The following GPLD1 variants were observed in gnomAD, a reference collection of about 807,000 sequenced individuals.
GPLD1 encodes glycosylphosphatidylinositol specific phospholipase D1.
GPLD1 carries 84 observed loss-of-function variants against 112.6 expected under a neutral mutation model. The ratio of observed to expected loss-of-function variants is 0.75; its 90% CI spans 0.63 to 0.89. GPLD1 has a LOEUF of 0.89. Ranked by LOEUF, GPLD1 falls within the 40% of genes least tolerant of loss-of-function variation. GPLD1 has a pLI of 0.00. For missense variants in GPLD1, 1,044 were observed against 1,051.5 expected (o/e 0.99, Z 0.10); for synonymous variants, 386 against 403.8 (o/e 0.96, Z 0.53).
chr6:24,495,151 C>T (rs1470894211), exon 1 of GPLD1: 3 of 1,429,702 alleles, frequency 2.1e-6, no homozygotes, highest in East Asian at 3.0e-5. Context: ...GGGCGCCTGG[C>T]GGGCCTCTCT....
At position 24,473,766 on chromosome 6, in the gene GPLD1, ATGAACTGC is replaced by A. The variant is rs1349250326; in HGVS notation, c.442-107_442-100del. 3 of 710,110 alleles carry A rather than the reference ATGAACTGC, an allele frequency of 4.2e-6. No individual in the cohort carries two copies. The African/African-American group carries it at 5.3e-5, about 13-fold the overall frequency. 44.0% of individuals were successfully genotyped at this position (710,110 alleles called of 1,614,324 possible). On this transcript the variant is annotated intron_variant, in intron 5 of 24. Transcript: ENST00000230036. ...GTGGTGGGAGATGACAGCTAACTCA[ATGAACTGC>A]TGAGGACGCATAATAGACTCAATTT...
downstream of GPLD1, chr6:24,424,228 T>A (rs1248058217): frequency 4.0e-5 from 6 of 151,536 alleles, no homozygotes; most frequent in African/African-American, 7.3e-5. Context: ...CCCTTTTTTT[T>A]ATAAAAGGTG....
rs910877785 is a variant in GPLD1, at chr6:24,426,844, C to T, written c.*2188G>A. On this transcript the variant is annotated 3_prime_UTR_variant, in exon 25 of 25. Coordinates refer to ENST00000230036, the MANE Select transcript of GPLD1 (RefSeq NM_001503.4). ...TGTCCCTAAACAAAACCAAATGGCG[C>T]TTCCTTGTGCTTTTGCTGTGCCATA... Among the ~76,000 whole-genome samples, 4 of 152,202 alleles carry T rather than the reference C, an allele frequency of 2.6e-5. No homozygotes were observed. Among genetic ancestry groups the T allele is most frequent in the South Asian group, 2.1e-4 (1 of 4,834 alleles).
Position 24,427,392 on chromosome 6 carries a change from C to G in GPLD1, c.*1640G>C, listed in dbSNP as rs899347985. On this transcript the variant is annotated 3_prime_UTR_variant, in exon 25 of 25. Transcript: ENST00000230036. ...AGTTGTAACCTAATGCGACAAAGGT[C>G]CCTCATGAGATGGCTTAAAACTAGC... Among the ~76,000 whole-genome samples, 1 of 152,196 alleles carries G rather than the reference C, an allele frequency of 6.6e-6. No individual in the cohort carries two copies. Among genetic ancestry groups the G allele is most frequent in the African/African-American group, 2.4e-5 (1 of 41,454 alleles).
At chr6:24,488,507 T>C (rs1161035828) in intron 1 of GPLD1, among the ~76,000 whole-genome samples, 1 of 152,270 alleles carries the variant, frequency 6.6e-6, no homozygotes, top group Middle Eastern at 3.4e-3. Context: ...TATTACAAAT[T>C]GACTCACGTT....
Position 24,448,186 on chromosome 6 carries a change from C to G in GPLD1, c.1469G>C (p.Gly490Ala). The change falls in exon 16 of 25, where the codon GGT (glycine) becomes GCT (alanine). Residue 490 changes from glycine (G) to alanine (A), a missense_variant. Physicochemically the swap from Gly to Ala is moderately conservative, Grantham distance 60 (BLOSUM62 0). Coordinates refer to ENST00000230036, the MANE Select transcript of GPLD1 (RefSeq NM_001503.4). ...AGAAGACATTCCTCCTTGTTTGGAA[C>G]CAAAGTAGACATACACGGCACCCTA... Reference protein sequence around the residue: ...TYKGAVYVYFGSKQGGMSSSP... With the variant: ...TYKGAVYVYFASKQGGMSSSP... 1 of 1,608,248 alleles carries G rather than the reference C, an allele frequency of 6.2e-7. No individual in the cohort carries two copies. The highest frequency in any genetic ancestry group is 8.5e-7 in the Non-Finnish European group (1 of 1,178,126).
intron 20 of GPLD1, among the ~76,000 whole-genome samples, chr6:24,445,139 T>C (rs1290710023): frequency 6.6e-6 from 1 of 152,124 alleles, no homozygotes; most frequent in Non-Finnish European, 1.5e-5. Flanking sequence ...GCGATTCTCC[T>C]GCCTCAGCCT....
intron 24 of GPLD1, among the ~76,000 whole-genome samples, chr6:24,430,686 G>A (rs1762374980): frequency 6.6e-6 from 1 of 152,114 alleles, no homozygotes; most frequent in African/African-American, 2.4e-5. Flanking sequence ...CAGAAAGGAA[G>A]GAATCTTCAG....
chr6:24,433,484 CTTTTTT>C (rs58008688), intron 22 of GPLD1, 95 bp from the exon 23 acceptor site: 12,608 of 431,224 alleles, frequency 0.029, 13 homozygotes, highest in Middle Eastern at 0.042. Flanking sequence ...CTCATTTCTA[CTTTTTT>C]TTTTTTTTTT....
At chr6:24,486,560 T>C (rs1310098003) in intron 1 of GPLD1, among the ~76,000 whole-genome samples, 3 of 152,198 alleles carry the variant, frequency 2.0e-5, no homozygotes, top group African/African-American at 7.2e-5. Context: ...CTCACACCTG[T>C]AATCCAAGAA....
intron 22 of GPLD1, among the ~76,000 whole-genome samples, chr6:24,434,514 GTTCAAATCTCT>G (rs1762507500): frequency 6.6e-6 from 1 of 151,572 alleles, no homozygotes; most frequent in Non-Finnish European, 1.5e-5. Flanking sequence ...TCAGATCTTG[GTTCAAATCTCT>G]GTTGTGCCCT....
At chr6:24,442,405 GCCA>G (rs2036285538) in intron 20 of GPLD1, among the ~76,000 whole-genome samples, 1 of 142,342 alleles carries the variant, frequency 7.0e-6, no homozygotes, top group Non-Finnish European at 1.5e-5. Context: ...AGAGGTGCAT[GCCA>G]CCACATCTGG....
intron 10 of GPLD1, among the ~76,000 whole-genome samples, chr6:24,465,072 C>A (rs1455536915): frequency 6.6e-6 from 1 of 151,824 alleles, no homozygotes; most frequent in Non-Finnish European, 1.5e-5. Flanking sequence ...TGGTGAGTAC[C>A]TGTAGTCATA....
Position 24,436,856 on chromosome 6 carries a change from G to A in GPLD1, c.2198-120C>T, listed in dbSNP as rs76793596. On this transcript the variant is annotated intron_variant, in intron 21 of 24. Coordinates refer to ENST00000230036, the MANE Select transcript of GPLD1 (RefSeq NM_001503.4). ...AATAATATTAGTATCTCCTTTAGTC[G>A]GCTGTGATTTCATCCTGGCAAAGGC... 1.4e-4 allele frequency: 145 copies of A among 1,004,948 alleles called. No homozygotes were observed. In the African/African-American group the frequency reaches 2.1e-3, roughly 14 times the overall value. The allele number at this position is 1,004,948 out of a possible 1,614,324, so 62.3% of individuals were successfully genotyped here.
At chr6:24,462,583 T>C in intron 11 of GPLD1, 147 bp downstream of exon 11, 1 of 635,108 alleles carries the variant, frequency 1.6e-6, no homozygotes, top group East Asian at 2.6e-5. Flanking sequence ...TCAAGCAGCT[T>C]GTTTAAAAAT....
chr6:24,449,952 G>T, intron 14 of GPLD1, 53 bp from the exon 15 acceptor site: 1 of 1,292,984 alleles, frequency 7.7e-7, no homozygotes. Flanking sequence ...CTCGGAAAGA[G>T]CACTCCTGAC....
chr6:24,488,270 G>C (rs1023161548), intron 1 of GPLD1, among the ~76,000 whole-genome samples: 3 of 152,094 alleles, frequency 2.0e-5, no homozygotes, highest in Non-Finnish European at 2.9e-5. Flanking sequence ...AAATTAGCCA[G>C]GCGTGGTGGC....
Position 24,428,955 on chromosome 6 carries a change from T to G in GPLD1, c.*77A>C. 1 of 978,362 alleles carries G rather than the reference T, an allele frequency of 1.0e-6. No individual in the cohort carries two copies. The highest frequency in any genetic ancestry group is 1.6e-6 in the Non-Finnish European group (1 of 636,300). 60.6% of individuals were successfully genotyped at this position (978,362 alleles called of 1,614,324 possible). On this transcript the variant is annotated 3_prime_UTR_variant, in exon 25 of 25. Coordinates refer to ENST00000230036, the MANE Select transcript of GPLD1 (RefSeq NM_001503.4). Reference sequence around the variant, plus strand: ...CCACCGCTCCACTGGATGTGCCACTTTGTCCATCAAAATGCTCACCATGGA... The same window carrying G: ...CCACCGCTCCACTGGATGTGCCACTGTGTCCATCAAAATGCTCACCATGGA...
In GPLD1 at chr6:24,473,666, A is replaced by G. The variant is rs1417176679; in HGVS notation, c.443T>C (p.Ile148Thr). The G allele has an allele frequency of 6.2e-7, 1 of 1,604,596 alleles. No individual in the cohort carries two copies. The highest frequency in any genetic ancestry group is 8.5e-7 in the Non-Finnish European group (1 of 1,171,808). The change falls in exon 6 of 25, where the codon ATT becomes ACT. Residue 148 changes from isoleucine (I) to threonine (T), a missense_variant and splice_region_variant. By Grantham distance (89) the Ile-to-Thr change is moderately conservative. Transcript: ENST00000230036. ...EQGFLRTMGA[I>T]DFHGSYSEAH... ...CTCTGAATAGGAGCCGTGAAAATCAATCTAAGAAAGAAAGAGAACCATCTG... is the reference window on the plus strand; with the variant it reads ...CTCTGAATAGGAGCCGTGAAAATCAGTCTAAGAAAGAAAGAGAACCATCTG...
Sources: allele counts gnomAD v4.1 joint callset (sites outside exome capture counted in the v4.1 genomes callset), GRCh38; gene constraint gnomAD v4.1.1; transcripts MANE v1.5; gene names NCBI Gene and HGNC (gene_info 2026-07-23, HGNC 2026-07-21).